Variants in TPM4 observed in about 807,000 individuals in gnomAD.
The protein encoded by TPM4 is tropomyosin 4.
TPM4 carries 17 observed loss-of-function variants against 35.8 expected under a neutral mutation model. That is an observed-to-expected ratio of 0.47 (90% CI 0.32 to 0.71). The LOEUF is 0.71. TPM4 is among the 30% of genes least tolerant of loss of function. The pLI is 0.03. For synonymous variants in TPM4, 120 were observed against 122.9 expected, an observed-to-expected ratio of 0.98 and a Z score of 0.15; for missense variants, 240 against 320.9, an observed-to-expected ratio of 0.75 and a Z score of 1.93.
upstream of TPM4, among the ~76,000 whole-genome samples, chr19:16,073,478 G>A (rs74637497): frequency 0.026 from 3,886 of 152,304 alleles, 88 homozygotes; most frequent in Non-Finnish European, 0.039. Context: ...TTTCTGTTCT[G>A]CAGATGGAGA....
intron 7 of TPM4, 73 bp from the exon 8 acceptor site, chr19:16,101,191 A>T (rs2090759729): frequency 7.7e-7 from 1 of 1,297,770 alleles, no homozygotes; most frequent in Non-Finnish European, 1.1e-6. Context: ...AAAAAAAACA[A>T]ATCTTTTTTT....
At chr19:16,085,840 G>A (rs2090543819) in intron 2 of TPM4, among the ~76,000 whole-genome samples, 1 of 152,000 alleles carries the variant, frequency 6.6e-6, no homozygotes, top group Non-Finnish European at 1.5e-5. Context: ...AGGTCAAGGC[G>A]GGCAGATCAC....
chr19:16,092,611 C>T (rs73005841), intron 5 of TPM4, among the ~76,000 whole-genome samples: 8,840 of 151,714 alleles, frequency 0.058, 321 homozygotes, highest in Middle Eastern at 0.079. Flanking sequence ...TCTGGCCTCA[C>T]TACAGCCTCC....
rs1023533317 is a variant in TPM4 at position 16,102,394 on chromosome 19, T to C, written c.*1048T>C. ...AAGAGCAAATGTCTCATTCCAGTAA[T>C]GACCCACTCAGCAGGAATATGGTGG... On this transcript the variant is annotated 3_prime_UTR_variant, in exon 8 of 8. Coordinates refer to ENST00000643579, the MANE Select transcript of TPM4 (RefSeq NM_003290.3). 1 of 217,554 alleles carries C rather than the reference T, an allele frequency of 4.6e-6. No homozygotes were observed. The highest frequency in any genetic ancestry group is 9.3e-6 in the Non-Finnish European group (1 of 107,942). 13.5% of individuals were successfully genotyped at this position (217,554 alleles called of 1,614,324 possible). A position where few individuals can be genotyped will look rare whatever the true frequency, so the allele number is the denominator to read the frequency against.
rs774501495 is a variant in TPM4, at chr19:16,086,534, C to G, written c.378C>G (p.Tyr126Ter). 6.2e-7 allele frequency: 1 copy of G among 1,612,268 alleles called. No homozygotes were observed. The highest frequency in any genetic ancestry group is 8.5e-7 in the Non-Finnish European group (1 of 1,178,930). The change falls in exon 3 of 8, where the codon TAC becomes TAG. Residue 126 changes from tyrosine to a stop codon, truncating the protein, a stop_gained. Transcript: ENST00000643579. LOFTEE classifies it high-confidence loss of function. ...TTGCGGAAGAGGCTGACCGCAAATA[C>G]GAGGAGGTGAGTGGGGCTGGCAGAT... is the stretch of plus-strand genomic sequence containing the variant. ...KHIAEEADRK[Y>*]EEVARKLVIL...
chr19:16,067,820 G>A lies in TPM4; in HGVS notation c.114+82G>A. The A allele has an allele frequency of 7.5e-7, 1 of 1,333,842 alleles. No homozygotes were observed. Among genetic ancestry groups the A allele is most frequent in the East Asian group, 2.5e-5 (1 of 40,242 alleles). 82.6% of individuals were successfully genotyped at this position (1,333,842 alleles called of 1,614,324 possible). A position where few individuals can be genotyped will look rare whatever the true frequency, so the allele number is the denominator to read the frequency against. On this transcript the variant is annotated intron_variant, in intron 2 of 2. Coordinates refer to the TPM4 transcript ENST00000589897. This position sits in a 1 kb window ranked among gnomAD's most constrained non-coding sequence, Gnocchi z 4.1. The stretch of plus-strand genomic sequence containing the variant: ...GGCCGGGGTCTGGAGCCCAGTTGGG[G>A]GTCGCAGACACCTGCGGGAGGATAG...
At chr19:16,077,973 C>T in intron 1 of TPM4, 2 of 384,862 alleles carry the variant, frequency 5.2e-6, no homozygotes, top group Non-Finnish European at 9.2e-6. Context: ...CAGTGTCTCA[C>T]CATGCTGGCC....
chr19:16,072,360 C>A (rs142257890), upstream of TPM4, among the ~76,000 whole-genome samples: 399 of 152,334 alleles, frequency 2.6e-3, 2 homozygotes, highest in African/African-American at 8.2e-3. Flanking sequence ...GGCGAAAGCT[C>A]TGCTCAGGGC....
chr19:16,070,606 CA>C lies in TPM4; in HGVS notation c.114+2869del, dbSNP rs2090347288. On this transcript the variant is annotated intron_variant, in intron 2 of 2. Transcript: ENST00000589897. This position sits in a 1 kb window ranked among gnomAD's most constrained non-coding sequence, Gnocchi z 7.4. The stretch of plus-strand genomic sequence containing the variant: ...CTGCATGAGTGAGATACGGAAGTGA[CA>C]GTAGGGCCTCCCTTGCCACCCCATG... Among the ~76,000 whole-genome samples the C allele has an allele frequency of 6.6e-6, 1 of 152,206 alleles. No homozygotes were observed. Among genetic ancestry groups the C allele is most frequent in the Non-Finnish European group, 1.5e-5 (1 of 68,028 alleles).
Position 16,081,914 on chromosome 19 carries a change from C to A in TPM4, c.134C>A (p.Ala45Asp). 1 of 1,595,948 alleles carries A rather than the reference C, an allele frequency of 6.3e-7. No homozygotes were observed. The highest frequency in any genetic ancestry group is 8.6e-7 in the Non-Finnish European group (1 of 1,165,658). ...TGGCTGCACCTCCGACCTCCCCAGG[C>A]TGAAGGTGATGTGGCCGCCCTCAAC... ...LDGERERREK[A>D]EGDVAALNRR... Residue 45 changes from alanine to aspartate, a missense_variant and splice_region_variant, in exon 2 of 8, where the codon GCT becomes GAT. Physicochemically the swap from Ala to Asp is moderately radical, Grantham distance 126. Transcript: ENST00000643579.
intron 2 of TPM4, among the ~76,000 whole-genome samples, chr19:16,068,812 GTA>G (rs932219688): frequency 3.0e-4 from 45 of 152,276 alleles, no homozygotes; most frequent in African/African-American, 1.0e-3. Flanking sequence ...CACATGTGTT[GTA>G]TGTGTCTGTT....
At chr19:16,101,163 CCT>C (rs1168197204) in intron 7 of TPM4, 99 bp from the exon 8 acceptor site, 2 of 975,724 alleles carry the variant, frequency 2.0e-6, no homozygotes, top group African/African-American at 3.4e-5. Context: ...AGAATGAGAC[CCT>C]GTCTCAAGAA....
intron 7 of TPM4, among the ~76,000 whole-genome samples, chr19:16,096,529 AG>A (rs1302334015): frequency 2.0e-5 from 3 of 152,234 alleles, no homozygotes; most frequent in Admixed American, 6.5e-5. Context: ...AAACAGCGGC[AG>A]TGACATTTTG....
rs1238345347 is a variant in TPM4, at chr19:16,088,187, G to A, written c.455+90G>A. The A allele has an allele frequency of 6.6e-6, 10 of 1,521,746 alleles. No individual in the cohort carries two copies. In the South Asian group the frequency reaches 8.4e-5, roughly 13 times the overall value. The allele number at this position is 1,521,746 out of a possible 1,614,324, so 94.3% of individuals were successfully genotyped here. A position where few individuals can be genotyped will look rare whatever the true frequency, so the allele number is the denominator to read the frequency against. On this transcript the variant is annotated intron_variant, in intron 4 of 7. Coordinates refer to ENST00000643579, the MANE Select transcript of TPM4 (RefSeq NM_003290.3). ...GCTGTGTTGGGAATTGGCTCTGACC[G>A]GGGTCTCTGCTCAAGTGGACGGGCG...
At chr19:16,093,264 C>G in intron 5 of TPM4, 1 of 426,662 alleles carries the variant, frequency 2.3e-6, no homozygotes, top group Non-Finnish European at 4.4e-6. Flanking sequence ...GGCGTGATCT[C>G]GGCTCACTGC....
chr19:16,095,508 C>T, intron 7 of TPM4: 1 of 1,019,478 alleles, frequency 9.8e-7, no homozygotes, highest in Non-Finnish European at 1.2e-6. Flanking sequence ...CAGTCCTCCT[C>T]TTCATGCCCC....
At chr19:16,081,009 C>T in intron 1 of TPM4, 1 of 398,588 alleles carries the variant, frequency 2.5e-6, no homozygotes, top group African/African-American at 2.1e-5. Flanking sequence ...TTTTGTCCTG[C>T]CATCTCTCAG....
At chr19:16,072,897 A>G (rs1207673446), upstream of TPM4, among the ~76,000 whole-genome samples, 4 of 152,076 alleles carry the variant, frequency 2.6e-5, no homozygotes, top group East Asian at 7.7e-4. Context: ...ACAGAGCAAG[A>G]CTCTGTCTCA....
chr19:16,084,307 T>C (rs2090521979), intron 2 of TPM4, among the ~76,000 whole-genome samples: 1 of 152,118 alleles, frequency 6.6e-6, no homozygotes, highest in Non-Finnish European at 1.5e-5. Context: ...AAGCTGGAAA[T>C]TTCTTCCCAA....
Sources: allele counts gnomAD v4.1 joint callset (sites outside exome capture counted in the v4.1 genomes callset), GRCh38; gene constraint gnomAD v4.1.1; non-coding constraint Gnocchi (gnomAD v3.1); transcripts MANE v1.5; gene names NCBI Gene and HGNC (gene_info 2026-07-23, HGNC 2026-07-21).